Variants in NAALADL2 observed in about 807,000 individuals in gnomAD.
NAALADL2 encodes inactive N-acetylated-alpha-linked acidic dipeptidase-like protein 2.
Under a neutral mutation model 87.2 loss-of-function variants are expected in NAALADL2, and 76 were observed. That is an observed-to-expected ratio of 0.87 (90% CI 0.72 to 1.05). The LOEUF (loss-of-function observed/expected upper bound fraction) is 1.05. Ranked by LOEUF, NAALADL2 falls within the 50% of genes least tolerant of loss-of-function variation. The probability of loss-of-function intolerance (pLI) is 0.00; values close to 1 mark genes in which losing one functional copy is unlikely to be tolerated. For missense variants in NAALADL2, 1,089 were observed against 945.8 expected (o/e 1.15, Z -1.99); for synonymous variants, 354 against 331.0 (o/e 1.07, Z -0.75).
intron 2 of NAALADL2, among the ~76,000 whole-genome samples, chr3:174,604,175 G>A (rs1189327668): frequency 2.0e-5 from 3 of 152,158 alleles, no homozygotes; most frequent in East Asian, 1.9e-4. Flanking sequence ...ATAGTGGGAT[G>A]TTGGGGTCTC....
chr3:174,576,328 C>A (rs1715525954), intron 2 of NAALADL2, among the ~76,000 whole-genome samples: 1 of 151,950 alleles, frequency 6.6e-6, no homozygotes, highest in Non-Finnish European at 1.5e-5. Context: ...TTAAAGGATA[C>A]TTTTGATTTG....
chr3:175,517,651 T>C (rs1293004439), intron 9 of NAALADL2, among the ~76,000 whole-genome samples: 1 of 152,100 alleles, frequency 6.6e-6, no homozygotes, highest in Admixed American at 6.5e-5. Context: ...TCGTTGTCTG[T>C]GGTAAATCCT....
chr3:175,069,516 G>T (rs1389725579), intron 1 of NAALADL2, among the ~76,000 whole-genome samples: 1 of 149,878 alleles, frequency 6.7e-6, no homozygotes, highest in African/African-American at 2.5e-5. Flanking sequence ...GAAACAACAG[G>T]TGCTGGAGAG....
intron 4 of NAALADL2, among the ~76,000 whole-genome samples, chr3:175,259,378 T>C (rs557378590): frequency 6.6e-6 from 1 of 152,288 alleles, no homozygotes; most frequent in South Asian, 2.1e-4. Flanking sequence ...TAATTACTTA[T>C]TTAAGACTCT....
chr3:175,704,620 C>G (rs541142949), intron 11 of NAALADL2, among the ~76,000 whole-genome samples: 2 of 152,170 alleles, frequency 1.3e-5, no homozygotes, highest in Non-Finnish European at 2.9e-5. Context: ...TCTCTACCCA[C>G]CGACTCTCGA....
chr3:174,896,183 C>T (rs1731504583), intron 1 of NAALADL2, among the ~76,000 whole-genome samples: 1 of 151,954 alleles, frequency 6.6e-6, no homozygotes, highest in Admixed American at 6.6e-5. Context: ...CTAGCTAGCA[C>T]AATCAGACAA....
At chr3:175,468,773 T>C (rs1724453831) in intron 8 of NAALADL2, among the ~76,000 whole-genome samples, 1 of 151,992 alleles carries the variant, frequency 6.6e-6, no homozygotes, top group Non-Finnish European at 1.5e-5. Context: ...CATGCAAAAT[T>C]TTATTAAAAA....
chr3:175,035,517 G>T (rs938343514), intron 1 of NAALADL2, among the ~76,000 whole-genome samples: 1 of 152,054 alleles, frequency 6.6e-6, no homozygotes, highest in Non-Finnish European at 1.5e-5. Context: ...CTCCTGAGGG[G>T]CACAATACTC....
In NAALADL2 at chr3:175,455,495, C is replaced by A. The variant is rs190565537; in HGVS notation, c.1235-7906C>A. ...ACAAAGAGAGTAAAAGTTATTTTTT[C>A]TCATATTCGTATTATTTAAAATGTC... On this transcript the variant is annotated intron_variant, in intron 6 of 13. Coordinates refer to ENST00000454872, the MANE Select transcript of NAALADL2 (RefSeq NM_207015.3). Among the ~76,000 whole-genome samples, 375 of 151,970 alleles carry A rather than the reference C, an allele frequency of 2.5e-3. 2 individuals are homozygous for A. Among genetic ancestry groups the A allele is most frequent in the African/African-American group, 8.4e-3 (347 of 41,470 alleles).
intron 2 of NAALADL2, among the ~76,000 whole-genome samples, chr3:175,125,909 A>T (rs972789213): frequency 2.0e-5 from 3 of 152,104 alleles, no homozygotes; most frequent in Non-Finnish European, 4.4e-5. Flanking sequence ...GACTTGAGGC[A>T]TTCCAACATT....
At chr3:175,488,769 A>G (rs1373387150) in intron 9 of NAALADL2, among the ~76,000 whole-genome samples, 1 of 152,256 alleles carries the variant, frequency 6.6e-6, no homozygotes. Flanking sequence ...CATAAATTTT[A>G]TGAAAACGTG....
chr3:175,034,917 T>C (rs1204051237), intron 1 of NAALADL2, among the ~76,000 whole-genome samples: 1 of 152,196 alleles, frequency 6.6e-6, no homozygotes, highest in Non-Finnish European at 1.5e-5. Context: ...CTTTAATGTG[T>C]GTCTTCTCTC....
intron 1 of NAALADL2, among the ~76,000 whole-genome samples, chr3:174,442,050 AT>A (rs1483276860): frequency 6.6e-6 from 1 of 151,974 alleles, no homozygotes; most frequent in African/African-American, 2.4e-5. Context: ...AACATTAAAA[AT>A]TATGTCATAG....
chr3:175,746,986 T>C (rs1175581860), intron 12 of NAALADL2, among the ~76,000 whole-genome samples: 2 of 152,192 alleles, frequency 1.3e-5, no homozygotes, highest in Non-Finnish European at 2.9e-5. Flanking sequence ...ATCTCTAGAT[T>C]AATATCAAAT....
chr3:175,719,965 A>C (rs1267299699), intron 11 of NAALADL2, among the ~76,000 whole-genome samples: 1 of 152,164 alleles, frequency 6.6e-6, no homozygotes, highest in Non-Finnish European at 1.5e-5. Flanking sequence ...CAATCATGAG[A>C]GTTCTGCCTT....
At chr3:174,456,041 C>T (rs1405751546) in intron 1 of NAALADL2, among the ~76,000 whole-genome samples, 2 of 152,124 alleles carry the variant, frequency 1.3e-5, no homozygotes, top group African/African-American at 4.8e-5. Context: ...TGTACAAAAA[C>T]CACTGGCATT....
At chr3:174,591,349 T>A (rs1717342213) in intron 2 of NAALADL2, among the ~76,000 whole-genome samples, 1 of 152,158 alleles carries the variant, frequency 6.6e-6, no homozygotes, top group South Asian at 2.1e-4. Context: ...TTAGATAAAA[T>A]CACAGTAGAC....
chr3:175,129,210 G>A (rs1049671156), intron 2 of NAALADL2, among the ~76,000 whole-genome samples: 2 of 151,872 alleles, frequency 1.3e-5, no homozygotes, highest in Admixed American at 6.6e-5. Flanking sequence ...TTCCCAAATT[G>A]CTGAGATCAC....
intron 1 of NAALADL2, among the ~76,000 whole-genome samples, chr3:174,909,845 A>T (rs1733465022): frequency 6.6e-6 from 1 of 152,088 alleles, no homozygotes; most frequent in African/African-American, 2.4e-5. Context: ...TATTATTTCG[A>T]TTTCCTTTAG....
Sources: gnomAD v4.1 joint callset for allele counts (sites outside exome capture counted in the v4.1 genomes callset) on GRCh38, gnomAD v4.1.1 for gene constraint, MANE v1.5 for transcripts, NCBI Gene and HGNC (gene_info 2026-07-23, HGNC 2026-07-21) for gene names.